Variants in CRYL1 observed in about 807,000 individuals in gnomAD.
CRYL1 encodes the protein crystallin lambda 1.
CRYL1 carries 29 observed loss-of-function variants against 36.6 expected under a neutral mutation model. The ratio of observed to expected loss-of-function variants is 0.79; its 90% CI spans 0.59 to 1.08. CRYL1 has a LOEUF of 1.08. Ranked by LOEUF, CRYL1 falls within the 50% of genes least tolerant of loss-of-function variation. The pLI is 0.00. For synonymous variants in CRYL1, 152 were observed against 151.5 expected, an observed-to-expected ratio of 1.00 and a Z score of -0.02; for missense variants, 411 against 407.9, an observed-to-expected ratio of 1.01 and a Z score of -0.06.
In CRYL1 at chr13:20,439,637, A is replaced by G; in HGVS notation, c.394T>C (p.Phe132Leu). ...TGCTTCACATGGACCAAGCCAGCAA[A>G]CAACTTGGAAGGCATGAGACAAGAA... Reference protein sequence around the residue: ...STSCLMPSKLFAGLVHVKQCI... With the variant: ...STSCLMPSKLLAGLVHVKQCI... The change falls in exon 4 of 8, where the codon TTT (phenylalanine) becomes CTT (leucine). Residue 132 changes from phenylalanine to leucine, a missense_variant. Transcript: ENST00000298248. 6.2e-7 allele frequency: 1 copy of G among 1,614,160 alleles called. No homozygotes were observed. Among genetic ancestry groups the G allele is most frequent in the Admixed American group, 1.7e-5 (1 of 60,012 alleles).
At chr13:20,434,361 A>G (rs994622758) in intron 4 of CRYL1, among the ~76,000 whole-genome samples, 1 of 152,198 alleles carries the variant, frequency 6.6e-6, no homozygotes, top group African/African-American at 2.4e-5. Flanking sequence ...CGCACCAATC[A>G]GTGCTCTGTA....
chr13:20,479,274 C>T (rs1428101857), intron 3 of CRYL1, among the ~76,000 whole-genome samples: 1 of 152,196 alleles, frequency 6.6e-6, no homozygotes, highest in Non-Finnish European at 1.5e-5. Context: ...CCAACACTGG[C>T]AAGCTTGAAA....
At chr13:20,440,905 G>A (rs1309252341) in intron 3 of CRYL1, among the ~76,000 whole-genome samples, 2 of 152,192 alleles carry the variant, frequency 1.3e-5, no homozygotes, top group Admixed American at 6.5e-5. Flanking sequence ...AGAGTGAGAT[G>A]ACACCTTCAA....
chr13:20,413,184 C>T (rs1266773793), intron 6 of CRYL1, 98 bp downstream of exon 6: 3 of 749,618 alleles, frequency 4.0e-6, no homozygotes, highest in Non-Finnish European at 6.8e-6. Flanking sequence ...TATATACTGT[C>T]TCTATTCAGT....
In CRYL1 at chr13:20,404,214, G is replaced by A. The variant is rs372602783; in HGVS notation, c.875C>T (p.Pro292Leu). ...CTGCCTCCTGGCAGCTAAGTGCTCC[G>A]GGTCATCAGGGACCTTCATGCACAT... Reference protein sequence around the residue: ...QDMCMKVPDDPEHLAARRQWR... With the variant: ...QDMCMKVPDDLEHLAARRQWR... The change falls in exon 8 of 8, where the codon CCG becomes CTG. Residue 292 changes from proline to leucine, a missense_variant. Coordinates refer to ENST00000298248, the MANE Select transcript of CRYL1 (RefSeq NM_015974.3). The A allele has an allele frequency of 7.5e-5, 121 of 1,613,394 alleles. No homozygotes were observed. The highest frequency in any genetic ancestry group is 6.4e-4 in the African/African-American group (48 of 74,986).
At chr13:20,419,538 C>T (rs1331738777) in intron 5 of CRYL1, among the ~76,000 whole-genome samples, 7 of 152,022 alleles carry the variant, frequency 4.6e-5, no homozygotes, top group East Asian at 1.9e-4. Flanking sequence ...GTGATCCACC[C>T]GCCTCAGCCT....
Position 20,411,560 on chromosome 13 carries a change from C to T in CRYL1, c.739+1722G>A, listed in dbSNP as rs144051313. Among the ~76,000 whole-genome samples the T allele has an allele frequency of 2.5e-3, 374 of 152,326 alleles. 1 individual carries two copies. Among genetic ancestry groups the T allele is most frequent in the Non-Finnish European group, 3.4e-3 (233 of 68,020 alleles). On this transcript the variant is annotated intron_variant, in intron 6 of 7. Transcript: ENST00000298248. ...CATTTCAAATGTATAAATTTCTATA[C>T]ATTTCAAATGCTTAAGTATATATAC...
intron 3 of CRYL1, among the ~76,000 whole-genome samples, chr13:20,471,797 TTCTTTCTTTCTC>T (rs970041182): frequency 1.3e-5 from 2 of 151,970 alleles, no homozygotes; most frequent in Non-Finnish European, 2.9e-5. Context: ...ATTTTTTTCT[TTCTTTCTTTCTC>T]TCTTTCTTTC....
intron 3 of CRYL1, among the ~76,000 whole-genome samples, chr13:20,448,179 G>A (rs943057759): frequency 6.6e-6 from 1 of 152,196 alleles, no homozygotes; most frequent in South Asian, 2.1e-4. Context: ...TTCATCAGTA[G>A]ACTCAACACA....
At chr13:20,524,220 C>A (rs528372082) in intron 1 of CRYL1, among the ~76,000 whole-genome samples, 1 of 152,340 alleles carries the variant, frequency 6.6e-6, no homozygotes, top group African/African-American at 2.4e-5. Context: ...GAGACCCTAT[C>A]CTATTAAAAT....
At chr13:20,506,757 C>T (rs1256077475) in intron 2 of CRYL1, among the ~76,000 whole-genome samples, 2 of 152,146 alleles carry the variant, frequency 1.3e-5, no homozygotes, top group African/African-American at 4.8e-5. Context: ...GAAATGATAA[C>T]AGAATTGAAA....
chr13:20,405,600 C>G (rs1380616311), intron 6 of CRYL1, among the ~76,000 whole-genome samples: 1 of 152,224 alleles, frequency 6.6e-6, no homozygotes, highest in Non-Finnish European at 1.5e-5. Context: ...CTCACGTTGG[C>G]TTGTACCTTG....
rs950184764 is a variant in CRYL1 at position 20,435,788 on chromosome 13, G to A, written c.439-3492C>T. On this transcript the variant is annotated intron_variant, in intron 4 of 7. Coordinates refer to ENST00000298248, the MANE Select transcript of CRYL1 (RefSeq NM_015974.3). This position sits in a 1 kb window ranked among gnomAD's most constrained non-coding sequence, Gnocchi z 4.0. The stretch of plus-strand genomic sequence containing the variant: ...ATGTGACCGCGCCGACAGCGCGGCT[G>A]CCCACAGAGACTCCCTTCACCCCCG... 5.3e-5 allele frequency among the ~76,000 whole-genome samples: 8 copies of A among 152,206 alleles called. No homozygotes were observed. The highest frequency in any genetic ancestry group is 1.0e-4 in the Non-Finnish European group (7 of 68,038).
chr13:20,447,183 A>G (rs766875286), intron 3 of CRYL1, among the ~76,000 whole-genome samples: 2 of 152,236 alleles, frequency 1.3e-5, no homozygotes, highest in Non-Finnish European at 2.9e-5. Context: ...TCAAATGTCC[A>G]CAGGAAAAAT....
chr13:20,412,342 T>C (rs1038222627), intron 6 of CRYL1, among the ~76,000 whole-genome samples: 1 of 152,156 alleles, frequency 6.6e-6, no homozygotes, highest in African/African-American at 2.4e-5. Context: ...TATCCTTTGT[T>C]AAATGCAGGC....
At chr13:20,431,646 T>A in intron 5 of CRYL1, 1 of 1,072,070 alleles carries the variant, frequency 9.3e-7, no homozygotes, top group African/African-American at 1.7e-5. Flanking sequence ...AAGCATTTAC[T>A]CTAACAAGTC....
chr13:20,466,710 G>GTGTGAGTGTA (rs2032942357), intron 3 of CRYL1, among the ~76,000 whole-genome samples: 1 of 151,838 alleles, frequency 6.6e-6, no homozygotes, highest in South Asian at 2.1e-4. Context: ...GTGTGTGTGT[G>GTGTGAGTGTA]TAGTTGAAGT....
rs1009566194 is a variant in CRYL1 at position 20,432,170 on chromosome 13, C to T, written c.565G>A (p.Glu189Lys). Residue 189 changes from glutamate to lysine, a missense_variant, in exon 5 of 8, where the codon GAG becomes AAG. Transcript: ENST00000298248. ...CGGTTCAGAACGAAGCCGGCCACCTCCTTCTGGACTCGCATGGGGCACTGT... is the reference window on the plus strand; with the variant it reads ...CGGTTCAGAACGAAGCCGGCCACCTTCTTCTGGACTCGCATGGGGCACTGT... Reference protein sequence around the residue: ...IGQCPMRVQKEVAGFVLNRLQ... With the variant: ...IGQCPMRVQKKVAGFVLNRLQ... The T allele has an allele frequency of 5.0e-6, 8 of 1,614,032 alleles. No individual in the cohort carries two copies. The highest frequency in any genetic ancestry group is 6.8e-6 in the Non-Finnish European group (8 of 1,180,038).
rs1277363817 is a variant in CRYL1 at position 20,415,215 on chromosome 13, G to T, written c.634-1828C>A. On this transcript the variant is annotated intron_variant, in intron 5 of 7. Transcript: ENST00000298248. The surrounding 1 kb of genome is among the most constrained non-coding windows in gnomAD (Gnocchi z 4.1). The stretch of plus-strand genomic sequence containing the variant: ...TCCAAGCTGGGGGCTTGCTCCGCCC[G>T]GAGGGCTCTGCGGGGACCCTGGCAC... Among the ~76,000 whole-genome samples, 1 of 152,164 alleles carries T rather than the reference G, an allele frequency of 6.6e-6. No homozygotes were observed. The highest frequency in any genetic ancestry group is 1.5e-5 in the Non-Finnish European group (1 of 68,016).
Sources: gnomAD v4.1 joint callset for allele counts (sites outside exome capture counted in the v4.1 genomes callset) on GRCh38, gnomAD v4.1.1 for gene constraint, Gnocchi (gnomAD v3.1) non-coding constraint, MANE v1.5 for transcripts, NCBI Gene and HGNC (gene_info 2026-07-23, HGNC 2026-07-21) for gene names.